Variants in DLGAP2 observed in about 807,000 individuals in gnomAD.
DLGAP2 encodes the protein DLG associated protein 2.
Under a neutral mutation model 100.3 loss-of-function variants are expected in DLGAP2, and 26 were observed. That is an observed-to-expected ratio of 0.26 (90% confidence interval 0.19 to 0.36). The LOEUF is 0.36. DLGAP2 is among the 10% of genes least tolerant of loss of function. The probability of loss-of-function intolerance (pLI) is 1.00; values close to 1 mark genes in which losing one functional copy is unlikely to be tolerated. For synonymous variants in DLGAP2, 886 were observed against 630.1 expected, an observed-to-expected ratio of 1.41 and a Z score of -6.08; for missense variants, 1,858 against 1,453.2, an observed-to-expected ratio of 1.28 and a Z score of -4.53.
At chr8:1,156,639 G>GCTCAGCACCCCA (rs1554493440) in intron 2 of DLGAP2, among the ~76,000 whole-genome samples, 2 of 147,438 alleles carry the variant, frequency 1.4e-5, no homozygotes, top group Non-Finnish European at 3.0e-5. Context: ...CCAGCGCCCC[G>GCTCAGCACCCCA]GCTCAGCGCC....
chr8:919,542 A>G (rs1040440167), intron 2 of DLGAP2, among the ~76,000 whole-genome samples: 3 of 152,148 alleles, frequency 2.0e-5, no homozygotes, highest in Admixed American at 2.0e-4. Flanking sequence ...CACCCAGTTA[A>G]CATCAGGTTG....
intron 6 of DLGAP2, among the ~76,000 whole-genome samples, chr8:1,618,070 C>T (rs1797215388): frequency 6.6e-6 from 1 of 152,210 alleles, no homozygotes; most frequent in South Asian, 2.1e-4. Context: ...CTCTCAGCTC[C>T]TCTACTTAAC....
At chr8:868,195 A>G (rs910592688) in intron 1 of DLGAP2, among the ~76,000 whole-genome samples, 5 of 152,156 alleles carry the variant, frequency 3.3e-5, no homozygotes, top group Non-Finnish European at 7.4e-5. Flanking sequence ...GAGGAAGAAG[A>G]TTGTTTTTTA....
chr8:1,164,524 C>G (rs550332096), intron 2 of DLGAP2, among the ~76,000 whole-genome samples: 1 of 152,262 alleles, frequency 6.6e-6, no homozygotes, highest in Admixed American at 6.5e-5. Flanking sequence ...CGTGTGGGAA[C>G]TTTCCTCCCT....
intron 8 of DLGAP2, among the ~76,000 whole-genome samples, chr8:1,636,555 C>A (rs1797771969): frequency 6.6e-6 from 1 of 152,184 alleles, no homozygotes; most frequent in Non-Finnish European, 1.5e-5. Context: ...TCTTTGCTGA[C>A]CTTCCTCAGT....
At chr8:1,061,754 G>A (rs1007005418) in intron 2 of DLGAP2, among the ~76,000 whole-genome samples, 1 of 151,984 alleles carries the variant, frequency 6.6e-6, no homozygotes, top group Non-Finnish European at 1.5e-5. Context: ...TCCCCGGTGA[G>A]GACTTTCTCG....
At chr8:1,156,277 G>A (rs554583285) in intron 2 of DLGAP2, among the ~76,000 whole-genome samples, 2 of 152,226 alleles carry the variant, frequency 1.3e-5, no homozygotes, top group African/African-American at 2.4e-5. Context: ...CCGTTTTGGC[G>A]CTGCTTACCC....
At chr8:1,205,557 G>A (rs1797971997) in intron 2 of DLGAP2, among the ~76,000 whole-genome samples, 1 of 152,204 alleles carries the variant, frequency 6.6e-6, no homozygotes, top group African/African-American at 2.4e-5. Context: ...CTCTTAGGAA[G>A]CACCCTGGGA....
intron 2 of DLGAP2, among the ~76,000 whole-genome samples, chr8:941,051 A>T (rs1045840551): frequency 1.3e-5 from 2 of 152,192 alleles, no homozygotes; most frequent in African/African-American, 4.8e-5. Flanking sequence ...GAAGCACGGT[A>T]CAGAGCTCAG....
intron 6 of DLGAP2, among the ~76,000 whole-genome samples, chr8:1,577,083 T>A (rs189757277): frequency 1.3e-5 from 2 of 152,310 alleles, no homozygotes; most frequent in East Asian, 3.9e-4. Context: ...AGTAGCACAC[T>A]GAATACTGCA....
At chr8:1,260,856 G>A (rs909864447) in intron 3 of DLGAP2, among the ~76,000 whole-genome samples, 2 of 152,210 alleles carry the variant, frequency 1.3e-5, no homozygotes, top group Non-Finnish European at 2.9e-5. Flanking sequence ...GCCCCATCAG[G>A]GCTCTCCAGC....
intron 3 of DLGAP2, among the ~76,000 whole-genome samples, chr8:1,358,858 C>T (rs1257378490): frequency 1.3e-5 from 2 of 151,914 alleles, no homozygotes; most frequent in African/African-American, 2.4e-5. Flanking sequence ...TGCGGCAGGG[C>T]GTGGGCTGTC....
chr8:932,840 G>T (rs1392640237), intron 2 of DLGAP2, among the ~76,000 whole-genome samples: 3 of 152,140 alleles, frequency 2.0e-5, no homozygotes, highest in Non-Finnish European at 4.4e-5. Context: ...TTCTTAAGAT[G>T]AAGAAATGTT....
intron 3 of DLGAP2, among the ~76,000 whole-genome samples, chr8:1,430,011 T>TATATATATATACAC (rs1554467358): frequency 4.7e-5 from 3 of 63,942 alleles, no homozygotes; most frequent in African/African-American, 1.7e-4. Context: ...TATATACATA[T>TATATATATATACAC]ATATATATAT....
chr8:799,412 C>A (rs953315123), intron 1 of DLGAP2, among the ~76,000 whole-genome samples: 3 of 152,032 alleles, frequency 2.0e-5, no homozygotes, highest in African/African-American at 7.2e-5. Context: ...GGTGGCCGTA[C>A]CAGAGAATTA....
intron 1 of DLGAP2, among the ~76,000 whole-genome samples, chr8:772,906 T>G (rs1287770534): frequency 2.0e-5 from 3 of 152,196 alleles, no homozygotes; most frequent in Non-Finnish European, 2.9e-5. Flanking sequence ...GGTGGTGGTG[T>G]TAGAGCTAGA....
chr8:844,610 G>A (rs924550233), intron 1 of DLGAP2, among the ~76,000 whole-genome samples: 1 of 152,054 alleles, frequency 6.6e-6, no homozygotes, highest in East Asian at 1.9e-4. Context: ...GTCCTTCCTC[G>A]CCTATCAAGG....
At chr8:1,440,314 A>G (rs1797793444) in intron 3 of DLGAP2, among the ~76,000 whole-genome samples, 1 of 152,238 alleles carries the variant, frequency 6.6e-6, no homozygotes, top group Non-Finnish European at 1.5e-5. Context: ...ATTTAACATT[A>G]AAATGGACTC....
intron 6 of DLGAP2, among the ~76,000 whole-genome samples, chr8:1,595,553 G>C (rs1474006084): frequency 6.6e-6 from 1 of 150,684 alleles, no homozygotes; most frequent in African/African-American, 2.4e-5. Flanking sequence ...TGTAGTCCCA[G>C]CTACTCGGGA....
Sources: allele counts gnomAD v4.1 joint callset (sites outside exome capture counted in the v4.1 genomes callset), GRCh38; gene constraint gnomAD v4.1.1; transcripts MANE v1.5; gene names NCBI Gene and HGNC (gene_info 2026-07-23, HGNC 2026-07-21).